Variants in CLHC1 observed in about 807,000 individuals in gnomAD.
The protein encoded by CLHC1 is clathrin heavy chain linker domain containing 1, also known as clathrin heavy chain linker domain-containing protein 1.
A neutral mutation model predicts 69.5 loss-of-function variants in CLHC1; 72 were observed. The observed-to-expected ratio is 1.04, with a 90% CI of 0.86 to 1.26. The LOEUF is 1.26. Among genes scored for constraint, CLHC1 ranks in the 50% most tolerant of loss-of-function variants. CLHC1 has a pLI of 0.00. For synonymous variants in CLHC1, 223 were observed against 224.3 expected, an observed-to-expected ratio of 0.99 and a Z score of 0.05; for missense variants, 790 against 679.3, an observed-to-expected ratio of 1.16 and a Z score of -1.81.
chr2:55,192,700 A>G (rs1474524018), intron 9 of CLHC1, among the ~76,000 whole-genome samples: 5 of 152,106 alleles, frequency 3.3e-5, no homozygotes, highest in Non-Finnish European at 7.4e-5. Flanking sequence ...TTGATTTTTG[A>G]CAAAGAGGTC....
At chr2:55,221,476 A>G (rs926693070) in intron 3 of CLHC1, among the ~76,000 whole-genome samples, 3 of 152,216 alleles carry the variant, frequency 2.0e-5, no homozygotes, top group Admixed American at 2.0e-4. Flanking sequence ...ATAATTCTAG[A>G]TAGAACTCCA....
At chr2:55,193,696 C>T (rs1671141513) in intron 9 of CLHC1, among the ~76,000 whole-genome samples, 1 of 152,158 alleles carries the variant, frequency 6.6e-6, no homozygotes, top group South Asian at 2.1e-4. Flanking sequence ...AACGGTGCAA[C>T]CAAACAGATT....
intron 9 of CLHC1, among the ~76,000 whole-genome samples, chr2:55,195,151 C>A (rs1671289043): frequency 6.6e-6 from 1 of 152,124 alleles, no homozygotes; most frequent in South Asian, 2.1e-4. Flanking sequence ...TCCTACATAA[C>A]TCAAACTTAG....
At chr2:55,226,557 C>T (rs1674728075) in intron 2 of CLHC1, among the ~76,000 whole-genome samples, 2 of 152,150 alleles carry the variant, frequency 1.3e-5, no homozygotes, top group Admixed American at 1.3e-4. Flanking sequence ...TTTTTTAAAA[C>T]ATGACTTCTA....
chr2:55,200,262 A>T (rs6724969), intron 9 of CLHC1, among the ~76,000 whole-genome samples: 23,167 of 79,354 alleles, frequency 0.29, 2,208 homozygotes, highest in East Asian at 0.39. Flanking sequence ...CTGAGTAGAT[A>T]AAAAAAAAAG....
chr2:55,212,566 C>T, intron 5 of CLHC1, 107 bp downstream of exon 5: 1 of 850,320 alleles, frequency 1.2e-6, no homozygotes, highest in Non-Finnish European at 1.9e-6. Context: ...AACACACACA[C>T]ATGTGCAAGA....
rs761066805 is a variant in CLHC1 at position 55,222,363 on chromosome 2, A to T, written c.49T>A (p.Cys17Ser). The change falls in exon 3 of 13, where the codon TGT becomes AGT. Residue 17 changes from cysteine to serine, a missense_variant. Cys to Ser is a moderately radical substitution (Grantham distance 112). Coordinates refer to ENST00000401408, the MANE Select transcript of CLHC1 (RefSeq NM_152385.4). ...TCCAAAAATTCCTTGTCACTTCTAC[A>T]AATGATAGGTGGGAGAACTGCATGT... The part of the protein sequence containing the change: ...RKHAVLPPII[C>S]RSDKEFLESV... 3 of 1,613,892 alleles carry T rather than the reference A, an allele frequency of 1.9e-6. No homozygotes were observed. Among genetic ancestry groups the T allele is most frequent in the African/African-American group, 1.3e-5 (1 of 74,998 alleles).
chr2:55,213,259 C>A (rs1673182984), intron 4 of CLHC1, among the ~76,000 whole-genome samples: 2 of 152,048 alleles, frequency 1.3e-5, no homozygotes, highest in South Asian at 4.1e-4. Context: ...CAGAGCCGTG[C>A]TTCCTTCAGA....
chr2:55,193,825 T>C (rs772223709), intron 9 of CLHC1, among the ~76,000 whole-genome samples: 3 of 152,184 alleles, frequency 2.0e-5, no homozygotes, highest in Non-Finnish European at 4.4e-5. Flanking sequence ...TGTATACAAA[T>C]GTTCATAGCA....
Position 55,209,520 on chromosome 2 carries a change from A to G in CLHC1, c.702-4T>C, listed in dbSNP as rs879038654. The G allele has an allele frequency of 1.3e-6, 2 of 1,596,706 alleles. No homozygotes were observed. Among genetic ancestry groups the G allele is most frequent in the South Asian group, 2.3e-5 (2 of 88,514 alleles). On this transcript the variant is annotated splice_polypyrimidine_tract_variant and splice_region_variant and intron_variant, in intron 6 of 12. Coordinates refer to ENST00000401408, the MANE Select transcript of CLHC1 (RefSeq NM_152385.4). ...AATTATCTGCAGTCTTTGATGACTA[A>G]AAAGATAAAAAACGTCAATAACACA... is the stretch of plus-strand genomic sequence containing the variant.
chr2:55,175,768 C>G lies in CLHC1; in HGVS notation c.*22G>C, dbSNP rs956508400. 6.3e-7 allele frequency: 1 copy of G among 1,590,788 alleles called. No individual in the cohort carries two copies. ...ATACATAAGGTGTTGTACAAGCTCC[C>G]TCAGCTGGTTAAGATATAGAACTAC... On this transcript the variant is annotated 3_prime_UTR_variant, in exon 13 of 13. Coordinates refer to ENST00000401408, the MANE Select transcript of CLHC1 (RefSeq NM_152385.4).
chr2:55,230,291 G>C (rs536508007), intron 1 of CLHC1, among the ~76,000 whole-genome samples: 1 of 152,146 alleles, frequency 6.6e-6, no homozygotes, highest in East Asian at 1.9e-4. Flanking sequence ...TAAGATGTGG[G>C]ATATAAAAGA....
At chr2:55,204,047 G>A (rs1672208522) in intron 9 of CLHC1, among the ~76,000 whole-genome samples, 1 of 152,198 alleles carries the variant, frequency 6.6e-6, no homozygotes, top group African/African-American at 2.4e-5. Context: ...CACTTTGGGA[G>A]GCCAAGGCAG....
chr2:55,229,166 A>G (rs1343132087), intron 1 of CLHC1, among the ~76,000 whole-genome samples: 1 of 148,564 alleles, frequency 6.7e-6, no homozygotes, highest in African/African-American at 2.5e-5. Context: ...AAAAAAAAAA[A>G]AAAGAAAGAA....
intron 12 of CLHC1, among the ~76,000 whole-genome samples, chr2:55,177,143 G>T (rs1669469228): frequency 6.6e-6 from 1 of 152,160 alleles, no homozygotes; most frequent in Non-Finnish European, 1.5e-5. Context: ...AAAGTGCTGG[G>T]ATTACAGGGG....
In CLHC1 at chr2:55,222,280, T is replaced by C. The variant is rs757873376; in HGVS notation, c.132A>G (p.Gly44=). The stretch of plus-strand genomic sequence containing the variant: ...ATATGATGTAATATTCATCAGCAGG[T>C]CCTTCCTCACTACAGCCCAGTCTTT... ...ETERLGCSEE[G]PADEYYIIYR... is the part of the protein sequence containing the mutation. The change falls in exon 3 of 13, where the codon GGA becomes GGG. Residue 44 remains glycine, a synonymous_variant. Transcript: ENST00000401408. 4.3e-6 allele frequency: 7 copies of C among 1,613,724 alleles called. No individual in the cohort carries two copies. Among genetic ancestry groups the C allele is most frequent in the Non-Finnish European group, 5.1e-6 (6 of 1,179,742 alleles).
rs1487594958 is a variant in CLHC1 at position 55,175,976 on chromosome 2, T to G, written c.1575A>C (p.Glu525Asp). The change falls in exon 13 of 13, where the codon GAA (glutamate) becomes GAC (aspartate). Residue 525 changes from glutamate to aspartate, a missense_variant. Transcript: ENST00000401408. ...AAAAGGAATCATTTATCATAAGACT[T>G]TCTACTGCATCTGTGGGGAAAAAAT... is the stretch of plus-strand genomic sequence containing the variant. The part of the protein sequence containing the change: ...EINKGGIDAV[E>D]SLMINDSFCS... 1 of 1,613,080 alleles carries G rather than the reference T, an allele frequency of 6.2e-7. No homozygotes were observed. Among genetic ancestry groups the G allele is most frequent in the South Asian group, 1.1e-5 (1 of 91,036 alleles).
At chr2:55,210,008 G>GTTAT (rs1003784204) in intron 5 of CLHC1, among the ~76,000 whole-genome samples, 177 bp from the exon 6 acceptor site, 38 of 152,086 alleles carry the variant, frequency 2.5e-4, no homozygotes, top group South Asian at 8.3e-4. Flanking sequence ...TGGCTAGCAG[G>GTTAT]TTATTTATTT....
chr2:55,221,735 T>C (rs1400563967), intron 3 of CLHC1, among the ~76,000 whole-genome samples: 1 of 152,190 alleles, frequency 6.6e-6, no homozygotes, highest in Non-Finnish European at 1.5e-5. Context: ...CCCAGCACTT[T>C]GGGAGGCCAA....
Sources: gnomAD v4.1 joint callset for allele counts (sites outside exome capture counted in the v4.1 genomes callset) on GRCh38, gnomAD v4.1.1 for gene constraint, MANE v1.5 for transcripts, NCBI Gene and HGNC (gene_info 2026-07-23, HGNC 2026-07-21) for gene names.